Variants in MEI4 observed in about 807,000 individuals in gnomAD.
MEI4 encodes meiosis-specific protein MEI4.
Under a neutral mutation model 31.4 loss-of-function variants are expected in MEI4, and 27 were observed. That is an observed-to-expected ratio of 0.86 (90% CI 0.63 to 1.19). MEI4 has a LOEUF of 1.19. MEI4 is among the 50% of genes most tolerant of loss of function. The pLI is 0.00. For synonymous variants in MEI4, 122 were observed against 145.4 expected (o/e 0.84, Z 1.16); for missense variants, 329 against 398.9 (o/e 0.82, Z 1.49).
intron 4 of MEI4, among the ~76,000 whole-genome samples, chr6:77,868,511 A>ATATATGTATATATATATATATATATG (rs1771111355): frequency 2.4e-5 from 3 of 124,394 alleles, no homozygotes; most frequent in Non-Finnish European, 5.0e-5. Context: ...ACATATATAT[A>ATATATGTATATATATATATATATATG]TATATATATA....
At chr6:77,854,991 G>T (rs941255335) in intron 4 of MEI4, among the ~76,000 whole-genome samples, 1 of 137,058 alleles carries the variant, frequency 7.3e-6, no homozygotes, top group Non-Finnish European at 1.6e-5. Context: ...GGGGTGGGAG[G>T]GGGGCGGTTA....
At chr6:77,714,700 T>C (rs1290847740) in intron 2 of MEI4, among the ~76,000 whole-genome samples, 1 of 152,194 alleles carries the variant, frequency 6.6e-6, no homozygotes, top group African/African-American at 2.4e-5. Flanking sequence ...TATCCCTATC[T>C]GTGCATTACC....
intron 4 of MEI4, among the ~76,000 whole-genome samples, chr6:77,902,606 A>G (rs1422852260): frequency 2.0e-5 from 3 of 152,248 alleles, no homozygotes; most frequent in East Asian, 3.9e-4. Flanking sequence ...ACTAAGCTAT[A>G]GGGAAAATTC....
Position 77,761,629 on chromosome 6 carries a change from A to G in MEI4, c.732A>G (p.Leu244=). The G allele has an allele frequency of 1.6e-6, 2 of 1,231,796 alleles. No individual in the cohort carries two copies. The highest frequency in any genetic ancestry group is 4.1e-5 in the South Asian group (1 of 24,312). The allele number at this position is 1,231,796 out of a possible 1,614,324, so 76.3% of individuals were successfully genotyped here. The change falls in exon 3 of 5, where the codon CTA becomes CTG. Residue 244 remains leucine (L), a synonymous_variant. Coordinates refer to ENST00000684080, the MANE Select transcript of MEI4 (RefSeq NM_001322247.2). Reference sequence around the variant, plus strand: ...AGTTGGAAGAATTTGAGAAAACCCTACTACATGCTATTTTAGGAAACAATC... The same window carrying G: ...AGTTGGAAGAATTTGAGAAAACCCTGCTACATGCTATTTTAGGAAACAATC... ...SKKLEEFEKT[L]LHAILGNNHI...
At chr6:77,845,276 TA>T (rs1316879527) in intron 4 of MEI4, among the ~76,000 whole-genome samples, 1 of 152,204 alleles carries the variant, frequency 6.6e-6, no homozygotes, top group Non-Finnish European at 1.5e-5. Flanking sequence ...CTTTTAGTAT[TA>T]AGTCTTTCTT....
At chr6:77,856,346 C>T (rs1770744755) in intron 4 of MEI4, among the ~76,000 whole-genome samples, 1 of 152,210 alleles carries the variant, frequency 6.6e-6, no homozygotes, top group South Asian at 2.1e-4. Flanking sequence ...CCTTCCCTTC[C>T]TTCAGACTAA....
At chr6:77,859,814 A>G (rs1475863309) in intron 4 of MEI4, among the ~76,000 whole-genome samples, 1 of 152,158 alleles carries the variant, frequency 6.6e-6, no homozygotes, top group Non-Finnish European at 1.5e-5. Flanking sequence ...TGATTCCCAC[A>G]CTTTCATTTT....
chr6:77,792,434 G>T (rs1261333611), intron 3 of MEI4, among the ~76,000 whole-genome samples: 1 of 152,064 alleles, frequency 6.6e-6, no homozygotes, highest in Admixed American at 6.6e-5. Context: ...CAGTGTACAA[G>T]GGTTTCATTT....
At chr6:77,722,076 C>A (rs1766720272) in intron 2 of MEI4, among the ~76,000 whole-genome samples, 1 of 128,110 alleles carries the variant, frequency 7.8e-6, no homozygotes, top group Non-Finnish European at 1.7e-5. Context: ...ATAGTAAAGG[C>A]AAATTTTTCA....
At chr6:77,758,562 T>G (rs2127681202) in intron 2 of MEI4, among the ~76,000 whole-genome samples, 1 of 152,324 alleles carries the variant, frequency 6.6e-6, no homozygotes, top group South Asian at 2.1e-4. Flanking sequence ...AAGAAAATAT[T>G]ACTGTCAGGT....
rs548659359 is a variant in MEI4 at position 77,801,177 on chromosome 6, T to A, written c.769-27754T>A. ...TATTGCCTCAATTTCAGAGCCTGTT[T>A]TTGGTCTATTCAGAGATTCAACTTC... is the stretch of plus-strand genomic sequence containing the variant. On this transcript the variant is annotated intron_variant, in intron 3 of 4. Coordinates refer to ENST00000684080, the MANE Select transcript of MEI4 (RefSeq NM_001322247.2). 5.3e-5 allele frequency among the ~76,000 whole-genome samples: 8 copies of A among 152,096 alleles called. No homozygotes were observed. In the South Asian group the frequency reaches 6.2e-4, roughly 12 times the overall value.
At chr6:77,770,065 C>CA (rs1768274076) in intron 3 of MEI4, among the ~76,000 whole-genome samples, 1 of 151,410 alleles carries the variant, frequency 6.6e-6, no homozygotes, top group Non-Finnish European at 1.5e-5. Flanking sequence ...TAAACAAAAT[C>CA]AAAAAACCTT....
intron 1 of MEI4, among the ~76,000 whole-genome samples, chr6:77,668,104 G>T (rs921139739): frequency 2.6e-5 from 4 of 151,710 alleles, no homozygotes; most frequent in Non-Finnish European, 4.4e-5. Context: ...CCACCAAATT[G>T]AATGTTTAAT....
At position 77,684,052 on chromosome 6, in the gene MEI4, T is replaced by C. The variant is rs375100637; in HGVS notation, c.-14-6606T>C. Among the ~76,000 whole-genome samples the C allele has an allele frequency of 8.5e-5, 13 of 152,312 alleles. No individual in the cohort carries two copies. The South Asian group carries it at 2.3e-3, about 27-fold the overall frequency. ...ACATCCTCATCTTTTGTCTTTTTGATAAAAGCCATTTTAACTTGGGTAAGA... is the reference window on the plus strand; with the variant it reads ...ACATCCTCATCTTTTGTCTTTTTGACAAAAGCCATTTTAACTTGGGTAAGA... On this transcript the variant is annotated intron_variant, in intron 1 of 4. Coordinates refer to ENST00000684080, the MANE Select transcript of MEI4 (RefSeq NM_001322247.2).
chr6:77,746,638 C>CGTGTGTGT lies in MEI4; in HGVS notation c.233-14463_233-14456dup, dbSNP rs5877568. On this transcript the variant is annotated intron_variant, in intron 2 of 4. Coordinates refer to ENST00000684080, the MANE Select transcript of MEI4 (RefSeq NM_001322247.2). ...TAAGTCAGTTTCTTAAAATATATGG[C>CGTGTGTGT]GTGTGTGTGTGTGTGTGTGTGTGTG... 9.7e-4 allele frequency among the ~76,000 whole-genome samples: 132 copies of CGTGTGTGT among 136,654 alleles called. 1 individual carries two copies. The highest frequency in any genetic ancestry group is 1.8e-3 in the African/African-American group (69 of 38,522). The allele number at this position is 136,654 out of a possible 152,430, so 89.7% of individuals were successfully genotyped here. A position where few individuals can be genotyped will look rare whatever the true frequency, so the allele number is the denominator to read the frequency against.
At chr6:77,835,803 T>G (rs929010564) in intron 4 of MEI4, among the ~76,000 whole-genome samples, 8 of 152,072 alleles carry the variant, frequency 5.3e-5, no homozygotes, top group Non-Finnish European at 1.0e-4. Flanking sequence ...GTGGTGTATC[T>G]AAAATGAGTA....
intron 2 of MEI4, among the ~76,000 whole-genome samples, chr6:77,728,805 G>T (rs1026436776): frequency 1.3e-5 from 2 of 152,178 alleles, no homozygotes; most frequent in Admixed American, 1.3e-4. Flanking sequence ...GATGAGGCCA[G>T]AGAGGAGACA....
intron 3 of MEI4, among the ~76,000 whole-genome samples, chr6:77,825,656 G>T (rs147243609): frequency 1.4e-4 from 22 of 152,174 alleles, no homozygotes; most frequent in African/African-American, 4.8e-4. Flanking sequence ...CTATAATTCT[G>T]ATTCTTGTTT....
intron 4 of MEI4, among the ~76,000 whole-genome samples, chr6:77,909,887 T>G (rs980743827): frequency 3.3e-5 from 5 of 152,192 alleles, no homozygotes; most frequent in Admixed American, 2.6e-4. Flanking sequence ...ATCCCTGGGA[T>G]GCAAGGCTGG....
Sources: gnomAD v4.1 joint callset for allele counts (sites outside exome capture counted in the v4.1 genomes callset) on GRCh38, gnomAD v4.1.1 for gene constraint, MANE v1.5 for transcripts, NCBI Gene and HGNC (gene_info 2026-07-23, HGNC 2026-07-21) for gene names.